UBE2E2: variants seen among roughly 807,000 people sequenced by gnomAD.
UBE2E2 encodes the protein ubiquitin-conjugating enzyme E2 E2.
In UBE2E2, 6 loss-of-function variants were observed where a neutral mutation model predicts 24.7. The ratio of observed to expected loss-of-function variants is 0.24; its 90% confidence interval spans 0.13 to 0.48. The LOEUF (loss-of-function observed/expected upper bound fraction) is 0.48, where lower values mean the gene tolerates loss of function less well. UBE2E2 is among the 20% of genes least tolerant of loss of function. The pLI is 0.99. For synonymous variants in UBE2E2, 104 were observed against 83.6 expected, an observed-to-expected ratio of 1.24 and a Z score of -1.33; for missense variants, 169 against 245.0, an observed-to-expected ratio of 0.69 and a Z score of 2.07.
intron 1 of UBE2E2, among the ~76,000 whole-genome samples, chr3:23,206,483 T>C (rs1244805049): frequency 2.0e-5 from 3 of 152,242 alleles, no homozygotes; most frequent in Non-Finnish European, 4.4e-5. Flanking sequence ...GCTCTTCATT[T>C]ACAGAATAGG....
chr3:23,394,854 T>C (rs1229194177), intron 3 of UBE2E2, among the ~76,000 whole-genome samples: 6 of 152,182 alleles, frequency 3.9e-5, no homozygotes, highest in African/African-American at 1.4e-4. Context: ...CAATTCTTGA[T>C]TGGAATAAGG....
chr3:23,521,486 G>A (rs772993532), intron 4 of UBE2E2, among the ~76,000 whole-genome samples: 15 of 152,216 alleles, frequency 9.9e-5, no homozygotes, highest in Non-Finnish European at 2.2e-4. Context: ...TTGGACATCT[G>A]TTAAATTATC....
intron 4 of UBE2E2, among the ~76,000 whole-genome samples, chr3:23,528,817 G>A (rs898833806): frequency 4.6e-5 from 7 of 152,136 alleles, no homozygotes; most frequent in Admixed American, 3.3e-4. Flanking sequence ...TTCCCCTCCT[G>A]TCTGTTCATA....
At chr3:23,340,969 A>C (rs575494477) in intron 3 of UBE2E2, among the ~76,000 whole-genome samples, 2 of 152,304 alleles carry the variant, frequency 1.3e-5, no homozygotes, top group Non-Finnish European at 2.9e-5. Context: ...GGAGAGTTTT[A>C]GATTCCTTAG....
chr3:23,578,270 G>C (rs546901476), intron 5 of UBE2E2, among the ~76,000 whole-genome samples: 147 of 152,150 alleles, frequency 9.7e-4, no homozygotes, highest in African/African-American at 3.3e-3. Flanking sequence ...TTATTAACAA[G>C]TCAAAAAACA....
At chr3:23,371,103 C>T (rs1281802726) in intron 3 of UBE2E2, among the ~76,000 whole-genome samples, 2 of 152,142 alleles carry the variant, frequency 1.3e-5, no homozygotes, top group Non-Finnish European at 2.9e-5. Context: ...AATCATGGCT[C>T]ACTGCAGCCT....
intron 3 of UBE2E2, among the ~76,000 whole-genome samples, chr3:23,473,256 A>G (rs1037432073): frequency 4.6e-5 from 7 of 152,020 alleles, no homozygotes; most frequent in Non-Finnish European, 8.8e-5. Flanking sequence ...AAAGTTTTTT[A>G]TTTTATTCAA....
intron 3 of UBE2E2, among the ~76,000 whole-genome samples, chr3:23,285,893 C>T (rs1205261618): frequency 1.3e-5 from 2 of 152,186 alleles, no homozygotes; most frequent in African/African-American, 4.8e-5. Flanking sequence ...AGAGGGGTTT[C>T]ACCATGTAGG....
chr3:23,425,093 T>C (rs1575620568), intron 3 of UBE2E2, among the ~76,000 whole-genome samples: 1 of 152,190 alleles, frequency 6.6e-6, no homozygotes, highest in Non-Finnish European at 1.5e-5. Context: ...ACCAAACATA[T>C]CTTGCCTCAG....
Position 23,582,677 on chromosome 3 carries a change from G to T in UBE2E2, c.509-7057G>T, listed in dbSNP as rs187107602. On this transcript the variant is annotated intron_variant, in intron 5 of 5. Coordinates refer to ENST00000396703, the MANE Select transcript of UBE2E2 (RefSeq NM_152653.4). Reference sequence around the variant, plus strand: ...TCAGTGATCATTTTTTCCTATGCTTGTTGGCCACATATATGCCTTCTTTTG... The same window carrying T: ...TCAGTGATCATTTTTTCCTATGCTTTTTGGCCACATATATGCCTTCTTTTG... 1.8e-3 allele frequency among the ~76,000 whole-genome samples: 270 copies of T among 152,152 alleles called. 1 individual carries two copies. The highest frequency in any genetic ancestry group is 2.4e-3 in the Non-Finnish European group (163 of 67,984).
chr3:23,351,461 C>A (rs1695745603), intron 3 of UBE2E2, among the ~76,000 whole-genome samples: 1 of 152,190 alleles, frequency 6.6e-6, no homozygotes, highest in Non-Finnish European at 1.5e-5. Flanking sequence ...AGAGTCAAGA[C>A]CCATCAGTGT....
At chr3:23,289,731 T>A (rs1043130988) in intron 3 of UBE2E2, among the ~76,000 whole-genome samples, 4 of 152,232 alleles carry the variant, frequency 2.6e-5, no homozygotes, top group African/African-American at 9.6e-5. Flanking sequence ...GCTATTTAGT[T>A]TTGAACGTTC....
At chr3:23,472,708 C>T (rs1441235127) in intron 3 of UBE2E2, among the ~76,000 whole-genome samples, 2 of 150,470 alleles carry the variant, frequency 1.3e-5, no homozygotes, top group Non-Finnish European at 3.0e-5. Flanking sequence ...GAGTGCAGTG[C>T]CGTGATCACA....
chr3:23,487,913 C>T (rs149020530), intron 3 of UBE2E2, among the ~76,000 whole-genome samples: 19 of 151,738 alleles, frequency 1.3e-4, no homozygotes, highest in Non-Finnish European at 2.6e-4. Context: ...GCTTTGATAA[C>T]GTTGGCTTCC....
At chr3:23,342,535 G>A (rs535908404) in intron 3 of UBE2E2, among the ~76,000 whole-genome samples, 6 of 152,262 alleles carry the variant, frequency 3.9e-5, no homozygotes, top group African/African-American at 7.2e-5. Flanking sequence ...TTCTGTGGTC[G>A]TAGGCTACAT....
At chr3:23,397,910 C>G (rs1414215906) in intron 3 of UBE2E2, among the ~76,000 whole-genome samples, 1 of 152,060 alleles carries the variant, frequency 6.6e-6, no homozygotes, top group Non-Finnish European at 1.5e-5. Context: ...AGAGTGAAAA[C>G]TAATTTCTCC....
At chr3:23,307,657 CA>C (rs1699272908) in intron 3 of UBE2E2, among the ~76,000 whole-genome samples, 1 of 151,944 alleles carries the variant, frequency 6.6e-6, no homozygotes, top group Admixed American at 6.6e-5. Context: ...AATGTTTTAG[CA>C]ATTATATTTT....
intron 3 of UBE2E2, among the ~76,000 whole-genome samples, chr3:23,298,423 T>A (rs541443581): frequency 1.3e-5 from 2 of 152,270 alleles, no homozygotes; most frequent in African/African-American, 4.8e-5. Flanking sequence ...TGGCTGTAGG[T>A]TTGTCATAGA....
chr3:23,513,237 A>G (rs996793187), intron 4 of UBE2E2, among the ~76,000 whole-genome samples: 1 of 152,216 alleles, frequency 6.6e-6, no homozygotes, highest in Non-Finnish European at 1.5e-5. Flanking sequence ...AATTAGTTTT[A>G]AATAGGTAAT....
Sources: gnomAD v4.1 joint callset for allele counts (sites outside exome capture counted in the v4.1 genomes callset) on GRCh38, gnomAD v4.1.1 for gene constraint, MANE v1.5 for transcripts, NCBI Gene and HGNC (gene_info 2026-07-23, HGNC 2026-07-21) for gene names.